The following OCA2 variants were observed in gnomAD, a reference collection of about 807,000 sequenced individuals.
The protein encoded by OCA2 is P protein.
Under a neutral mutation model 100.2 loss-of-function variants are expected in OCA2, and 77 were observed. The ratio of observed to expected loss-of-function variants is 0.77; its 90% CI spans 0.64 to 0.93. The LOEUF (loss-of-function observed/expected upper bound fraction) is 0.93. Among genes scored for constraint, OCA2 ranks in the 40% least tolerant of loss-of-function variants. The probability of loss-of-function intolerance (pLI) is 0.00; values close to 1 mark genes in which losing one functional copy is unlikely to be tolerated. For synonymous variants in OCA2, 432 were observed against 439.2 expected, an observed-to-expected ratio of 0.98 and a Z score of 0.21; for missense variants, 1,062 against 1,089.1, an observed-to-expected ratio of 0.98 and a Z score of 0.35.
intron 15 of OCA2, among the ~76,000 whole-genome samples, chr15:27,961,889 T>C (rs2040422379): frequency 6.6e-6 from 1 of 152,080 alleles, no homozygotes; most frequent in Non-Finnish European, 1.5e-5. Context: ...ATGGCATGTG[T>C]ATACCTATGT....
At chr15:27,960,997 C>T (rs2140752837) in intron 15 of OCA2, among the ~76,000 whole-genome samples, 1 of 151,638 alleles carries the variant, frequency 6.6e-6, no homozygotes, top group African/African-American at 2.4e-5. Flanking sequence ...AAAGAAACTA[C>T]CATCAGAGTG....
intron 2 of OCA2, among the ~76,000 whole-genome samples, chr15:28,039,490 G>A (rs979546948): frequency 6.6e-6 from 1 of 151,994 alleles, no homozygotes; most frequent in Non-Finnish European, 1.5e-5. Context: ...AATAACAGAA[G>A]GAAAACTAGA....
Position 27,794,117 on chromosome 15 carries a change from T to G in OCA2, c.2433-38645A>C, listed in dbSNP as rs116010898. Reference sequence around the variant, plus strand: ...GGAGAAGATAAGGTGTGCCAAAAGCTCCAAGAATGTGTGTGTTCCTGGATC... The same window carrying G: ...GGAGAAGATAAGGTGTGCCAAAAGCGCCAAGAATGTGTGTGTTCCTGGATC... On this transcript the variant is annotated intron_variant, in intron 23 of 23. Coordinates refer to ENST00000354638, the MANE Select transcript of OCA2 (RefSeq NM_000275.3). Among the ~76,000 whole-genome samples, 936 of 152,238 alleles carry G rather than the reference T, an allele frequency of 6.1e-3. 17 individuals carry two copies. Among genetic ancestry groups the G allele is most frequent in the African/African-American group, 0.021 (872 of 41,552 alleles).
chr15:27,959,011 C>T (rs1365024860), intron 15 of OCA2, among the ~76,000 whole-genome samples: 1 of 152,104 alleles, frequency 6.6e-6, no homozygotes, highest in Non-Finnish European at 1.5e-5. Context: ...TGCTCATCAC[C>T]CACTGCGTGG....
At chr15:27,754,632 G>T (rs770305361), downstream of OCA2, among the ~76,000 whole-genome samples, 7 of 152,182 alleles carry the variant, frequency 4.6e-5, no homozygotes, top group Admixed American at 1.3e-4. Context: ...ACAGCGTCCT[G>T]CAGGGAGAGC....
chr15:28,027,511 G>A (rs900277612), intron 4 of OCA2, among the ~76,000 whole-genome samples: 1 of 152,108 alleles, frequency 6.6e-6, no homozygotes, highest in Non-Finnish European at 1.5e-5. Flanking sequence ...CCACTCCTTC[G>A]TCAATAACTA....
intron 21 of OCA2, among the ~76,000 whole-genome samples, chr15:27,864,904 C>A (rs954891518): frequency 6.6e-6 from 1 of 151,544 alleles, no homozygotes; most frequent in Non-Finnish European, 1.5e-5. Context: ...GCCCTAAGAA[C>A]GCCACCCACA....
chr15:27,885,984 A>G (rs1248550758), intron 19 of OCA2, among the ~76,000 whole-genome samples: 2 of 152,218 alleles, frequency 1.3e-5, no homozygotes, highest in Non-Finnish European at 2.9e-5. Context: ...GTAGTCAGCA[A>G]TGATGGAAGA....
At chr15:27,927,916 C>T (rs978273107) in intron 18 of OCA2, among the ~76,000 whole-genome samples, 9 of 151,588 alleles carry the variant, frequency 5.9e-5, no homozygotes, top group East Asian at 2.0e-4. Flanking sequence ...CTCAGCCTCC[C>T]GAGTAGCTGG....
At chr15:27,779,782 A>G (rs965938640) in intron 23 of OCA2, among the ~76,000 whole-genome samples, 1 of 152,194 alleles carries the variant, frequency 6.6e-6, no homozygotes, top group Non-Finnish European at 1.5e-5. Context: ...CTGATAGGGA[A>G]GGATTTACTA....
At chr15:27,741,115 A>G in the OCA2 span, among the ~76,000 whole-genome samples, 1 of 152,224 alleles carries the variant, frequency 6.6e-6, no homozygotes, top group Non-Finnish European at 1.5e-5. Context: ...CTTACGGCGG[A>G]GGCCTCTAAC....
At chr15:28,016,786 A>C (rs1055823670) in intron 7 of OCA2, among the ~76,000 whole-genome samples, 1 of 152,156 alleles carries the variant, frequency 6.6e-6, no homozygotes, top group African/African-American at 2.4e-5. Flanking sequence ...CGACTCTAAA[A>C]ATTTTCTAAT....
intron 10 of OCA2, 61 bp from the exon 11 acceptor site, chr15:27,989,727 A>T: frequency 1.0e-5 from 15 of 1,472,060 alleles, no homozygotes; most frequent in Non-Finnish European, 1.3e-5. Flanking sequence ...TGATGAGCCT[A>T]ATGAAGCGCT....
chr15:27,770,089 C>G (rs962675872), intron 23 of OCA2, among the ~76,000 whole-genome samples: 1 of 152,232 alleles, frequency 6.6e-6, no homozygotes, highest in Non-Finnish European at 1.5e-5. Flanking sequence ...CAGTGCCCCC[C>G]ACCCCCAGCA....
intron 12 of OCA2, among the ~76,000 whole-genome samples, chr15:27,985,824 C>G (rs1368502446): frequency 3.3e-5 from 5 of 151,816 alleles, no homozygotes; most frequent in African/African-American, 1.2e-4. Context: ...TCCCGAGTAG[C>G]TGGGATTACA....
At chr15:28,059,464 A>C (rs2043804926) in intron 2 of OCA2, among the ~76,000 whole-genome samples, 1 of 152,200 alleles carries the variant, frequency 6.6e-6, no homozygotes, top group Non-Finnish European at 1.5e-5. Context: ...GGACCCCTTG[A>C]GCACAGGTCA....
rs779850564 is a variant in OCA2, at chr15:27,966,746, A to C, written c.1580T>G (p.Leu527Arg). Reference protein sequence around the residue: ...CLVLLVCFPLLRLLYWNRKLY... With the variant: ...CLVLLVCFPLRRLLYWNRKLY... Reference sequence around the variant, plus strand: ...CTTTCTGTTCCAGTAAAGGAGTCTGAGGAGCGGAAAGCAGACCAGGAGAAC... The same window carrying C: ...CTTTCTGTTCCAGTAAAGGAGTCTGCGGAGCGGAAAGCAGACCAGGAGAAC... Residue 527 changes from leucine to arginine, a missense_variant, in exon 15 of 24, where the codon CTC becomes CGC. Transcript: ENST00000354638. The C allele has an allele frequency of 5.0e-6, 8 of 1,613,820 alleles. 1 individual carries two copies. In the South Asian group the frequency reaches 7.7e-5, roughly 16 times the overall value.
chr15:27,972,876 T>TGTGACAGAG, intron 14 of OCA2, among the ~76,000 whole-genome samples: 3 of 52,640 alleles, frequency 5.7e-5, no homozygotes, highest in Non-Finnish European at 8.4e-5. Context: ...TTATTTTATT[T>TGTGACAGAG]TATTTTTGTG....
intron 2 of OCA2, among the ~76,000 whole-genome samples, chr15:28,055,623 C>T (rs2043667948): frequency 6.6e-6 from 1 of 152,202 alleles, no homozygotes; most frequent in South Asian, 2.1e-4. Context: ...TGGGGCCTGG[C>T]CCCTCCCAGG....
Sources: gnomAD v4.1 joint callset for allele counts (sites outside exome capture counted in the v4.1 genomes callset) on GRCh38, gnomAD v4.1.1 for gene constraint, MANE v1.5 for transcripts, NCBI Gene and HGNC (gene_info 2026-07-23, HGNC 2026-07-21) for gene names.